Variants in RAPGEF5 observed in about 807,000 individuals in gnomAD.
The protein encoded by RAPGEF5 is M-Ras-regulated GEF.
In RAPGEF5, 65 loss-of-function variants were observed where a neutral mutation model predicts 125.2. That is an observed-to-expected ratio of 0.52 (90% CI 0.43 to 0.64). The LOEUF (loss-of-function observed/expected upper bound fraction) is 0.64. Ranked by LOEUF, RAPGEF5 falls within the 30% of genes least tolerant of loss-of-function variation. RAPGEF5 has a pLI of 0.00. For missense variants in RAPGEF5, 958 were observed against 1,048.1 expected (o/e 0.91, Z 1.19); for synonymous variants, 391 against 385.9 (o/e 1.01, Z -0.16).
At chr7:22,245,927 C>T (rs765605353) in intron 7 of RAPGEF5, among the ~76,000 whole-genome samples, 2 of 152,080 alleles carry the variant, frequency 1.3e-5, no homozygotes, top group Non-Finnish European at 2.9e-5. Context: ...CATTTCTATA[C>T]ACCAATAATG....
At chr7:22,172,127 TG>T (rs1784368464) in intron 11 of RAPGEF5, among the ~76,000 whole-genome samples, 2 of 152,074 alleles carry the variant, frequency 1.3e-5, no homozygotes, top group South Asian at 4.1e-4. Context: ...TTTTAATTTT[TG>T]GGGGTTTTTT....
chr7:22,314,227 T>C (rs577251824), intron 3 of RAPGEF5, among the ~76,000 whole-genome samples: 13 of 152,310 alleles, frequency 8.5e-5, no homozygotes, highest in South Asian at 6.2e-4. Context: ...TTGCAGGGAA[T>C]GGTTACTGGC....
chr7:22,151,871 CTCTA>C (rs1384175792), intron 17 of RAPGEF5, among the ~76,000 whole-genome samples: 1 of 152,118 alleles, frequency 6.6e-6, no homozygotes, highest in Non-Finnish European at 1.5e-5. Flanking sequence ...TATATTCCTC[CTCTA>C]TCTTATTTCT....
At chr7:22,165,792 G>A (rs1435044817) in intron 12 of RAPGEF5, among the ~76,000 whole-genome samples, 1 of 151,900 alleles carries the variant, frequency 6.6e-6, no homozygotes, top group Non-Finnish European at 1.5e-5. Context: ...ATTTAACAGA[G>A]AAAGGATATT....
chr7:22,203,635 G>C (rs1308312621), intron 9 of RAPGEF5, among the ~76,000 whole-genome samples: 1 of 152,206 alleles, frequency 6.6e-6, no homozygotes, highest in Non-Finnish European at 1.5e-5. Context: ...TCCTTCTGCA[G>C]AGACTCGGAG....
chr7:22,154,650 C>T lies in RAPGEF5; in HGVS notation c.1637-46G>A, dbSNP rs532568953. On this transcript the variant is annotated intron_variant, in intron 16 of 25. Coordinates refer to ENST00000665637, the MANE Select transcript of RAPGEF5 (RefSeq NM_012294.5). ...GTTTGGAAACAGAGAACAGTGGTCA[C>T]GAGGTATAGACTTTTCCAAATCAAG... 47 of 1,597,122 alleles carry T rather than the reference C, an allele frequency of 2.9e-5. No homozygotes were observed. The South Asian group carries it at 4.0e-4, about 13-fold the overall frequency.
chr7:22,294,360 G>A (rs1783003135), intron 5 of RAPGEF5, among the ~76,000 whole-genome samples: 1 of 152,134 alleles, frequency 6.6e-6, no homozygotes, highest in African/African-American at 2.4e-5. Context: ...GCTTACCAAT[G>A]CCCCAAGCCA....
intron 5 of RAPGEF5, among the ~76,000 whole-genome samples, chr7:22,307,766 A>G (rs1783376532): frequency 6.6e-6 from 1 of 152,208 alleles, no homozygotes; most frequent in Admixed American, 6.5e-5. Context: ...ATTTTAATCC[A>G]TAACTCATAA....
intron 7 of RAPGEF5, among the ~76,000 whole-genome samples, chr7:22,233,191 C>T (rs1205552420): frequency 6.6e-6 from 1 of 152,140 alleles, no homozygotes; most frequent in Non-Finnish European, 1.5e-5. Context: ...AAGTAAGGAA[C>T]TCCACTTAAC....
intron 22 of RAPGEF5, 42 bp from the exon 23 acceptor site, chr7:22,136,167 G>C (rs780305628): frequency 7.0e-7 from 1 of 1,426,016 alleles, no homozygotes; most frequent in Non-Finnish European, 9.8e-7. Context: ...AAAAATCAAT[G>C]TGCTATAGAA....
At chr7:22,353,599 C>G (rs192320273) in intron 1 of RAPGEF5, among the ~76,000 whole-genome samples, 1 of 152,082 alleles carries the variant, frequency 6.6e-6, no homozygotes, top group East Asian at 1.9e-4. Context: ...TTATACCATT[C>G]TCTCATAATC....
chr7:22,356,617 G>A (rs3213677), intron 1 of RAPGEF5: 6 of 201,822 alleles, frequency 3.0e-5, no homozygotes, highest in Non-Finnish European at 5.9e-5. Context: ...GCAGCCTGGT[G>A]GGGGGGAGGT....
chr7:22,223,638 A>G (rs1483670894), intron 8 of RAPGEF5, among the ~76,000 whole-genome samples: 1 of 152,148 alleles, frequency 6.6e-6, no homozygotes, highest in Non-Finnish European at 1.5e-5. Context: ...TGAGTAGGAA[A>G]GAGAAGATAA....
intron 9 of RAPGEF5, among the ~76,000 whole-genome samples, chr7:22,212,114 T>C (rs529900701): frequency 8.2e-4 from 125 of 151,982 alleles, no homozygotes; most frequent in African/African-American, 2.6e-3. Context: ...GCTGGGACTA[T>C]AGGCACCCGC....
chr7:22,167,800 A>G (rs909653229), intron 11 of RAPGEF5, among the ~76,000 whole-genome samples: 1 of 152,124 alleles, frequency 6.6e-6, no homozygotes, highest in African/African-American at 2.4e-5. Flanking sequence ...TTTTCTACCA[A>G]CCAAACCAGG....
Position 22,157,883 on chromosome 7 carries a change from G to T in RAPGEF5, c.1529C>A (p.Thr510Asn), listed in dbSNP as rs759637290. The T allele has an allele frequency of 1.1e-5, 18 of 1,611,614 alleles. No homozygotes were observed. Among genetic ancestry groups the T allele is most frequent in the Non-Finnish European group, 1.4e-5 (17 of 1,177,942 alleles). The change falls in exon 15 of 26, where the codon ACT becomes AAT. Residue 510 changes from threonine to asparagine, a missense_variant and splice_region_variant. By Grantham distance (65) the Thr-to-Asn change is moderately conservative (BLOSUM62 0). Coordinates refer to ENST00000665637, the MANE Select transcript of RAPGEF5 (RefSeq NM_012294.5). The part of the protein sequence containing the change: ...QKILGMHRRH[T>N]VDEYSPQKKN... Reference sequence around the variant, plus strand: ...TTTTTGTGGTGAATATTCATCTACAGTGCTGAAAGGAAAAATGGCAAGAAG... The same window carrying T: ...TTTTTGTGGTGAATATTCATCTACATTGCTGAAAGGAAAAATGGCAAGAAG...
intron 6 of RAPGEF5, among the ~76,000 whole-genome samples, chr7:22,280,157 C>T (rs1782642071): frequency 1.3e-5 from 2 of 152,088 alleles, no homozygotes; most frequent in Admixed American, 6.5e-5. Context: ...TCTTTAGACA[C>T]AGGAATATCC....
At chr7:22,252,677 T>C (rs1786654093) in intron 7 of RAPGEF5, among the ~76,000 whole-genome samples, 1 of 152,228 alleles carries the variant, frequency 6.6e-6, no homozygotes. Flanking sequence ...TTTTATAGTA[T>C]GCCATTGAAT....
chr7:22,144,481 C>T (rs554413429), intron 20 of RAPGEF5, among the ~76,000 whole-genome samples: 4 of 152,166 alleles, frequency 2.6e-5, no homozygotes, highest in South Asian at 4.1e-4. Flanking sequence ...AGTGGCCATT[C>T]CTGGCAAAGC....
Sources: allele counts gnomAD v4.1 joint callset (sites outside exome capture counted in the v4.1 genomes callset), GRCh38; gene constraint gnomAD v4.1.1; transcripts MANE v1.5; gene names NCBI Gene and HGNC (gene_info 2026-07-23, HGNC 2026-07-21).